SDK2: variants seen among roughly 807,000 people sequenced by gnomAD.
The protein encoded by SDK2 is sidekick cell adhesion molecule 2, also known as protein sidekick-2.
SDK2 carries 105 observed loss-of-function variants against 253.9 expected under a neutral mutation model. The observed-to-expected ratio is 0.41, with a 90% CI of 0.35 to 0.49. SDK2 has a LOEUF of 0.49. Ranked by LOEUF, SDK2 falls within the 20% of genes least tolerant of loss-of-function variation. The pLI is 0.06. For missense variants in SDK2, 2,608 were observed against 3,003.0 expected (o/e 0.87, Z 3.07); for synonymous variants, 1,249 against 1,234.9 (o/e 1.01, Z -0.24).
At chr17:73,521,417 T>C (rs575072150) in intron 1 of SDK2, 1 of 152,048 alleles carries the variant, frequency 6.6e-6, no homozygotes, top group Non-Finnish European at 1.5e-5. Flanking sequence ...GTGCCAGGTG[T>C]CGTGTGGCCT....
At chr17:73,530,189 A>G (rs1322905350) in intron 1 of SDK2, among the ~76,000 whole-genome samples, 2 of 152,196 alleles carry the variant, frequency 1.3e-5, no homozygotes, top group Non-Finnish European at 2.9e-5. Context: ...TCACACTGCT[A>G]TAAAGATACT....
At chr17:73,367,498 CTCTTG>C (rs1382582766) in intron 37 of SDK2, among the ~76,000 whole-genome samples, 3 of 150,894 alleles carry the variant, frequency 2.0e-5, no homozygotes, top group Non-Finnish European at 4.4e-5. Context: ...CATGGCTGGC[CTCTTG>C]TCTTTTTTTT....
Position 73,335,208 on chromosome 17 carries a change from AGT to A in SDK2, c.*3377_*3378del, listed in dbSNP as rs1437892769. On this transcript the variant is annotated 3_prime_UTR_variant, in exon 45 of 45. Transcript: ENST00000392650. ...GAGCATCTTTTTGGTTTGTCTTGGCAGTGTGGGTGTGGAGCTGACGTCAACTC... is the reference window on the plus strand; with the variant it reads ...GAGCATCTTTTTGGTTTGTCTTGGCAGTGGGTGTGGAGCTGACGTCAACTC... The A allele has an allele frequency of 6.6e-6, 1 of 152,666 alleles. No homozygotes were observed. The highest frequency in any genetic ancestry group is 1.5e-5 in the Non-Finnish European group (1 of 68,380). The allele number at this position is 152,666 out of a possible 1,614,324, so 9.5% of individuals were successfully genotyped here.
At chr17:73,604,017 C>T (rs756989612) in intron 1 of SDK2, among the ~76,000 whole-genome samples, 1 of 152,256 alleles carries the variant, frequency 6.6e-6, no homozygotes, top group African/African-American at 2.4e-5. Flanking sequence ...CAATGCCTGT[C>T]TCAGAACCCA....
rs971186547 is a variant in SDK2 at position 73,422,542 on chromosome 17, G to A, written c.1898-108C>T. The A allele has an allele frequency of 6.2e-6, 8 of 1,294,130 alleles. No homozygotes were observed. The East Asian group carries it at 1.4e-4, about 22-fold the overall frequency. 80.2% of individuals were successfully genotyped at this position (1,294,130 alleles called of 1,614,324 possible). The stretch of plus-strand genomic sequence containing the variant: ...CAGCTTCACTGGGGCTGGCAAGAGA[G>A]AGCCTCCCCAGCTTGGTGCAGGAGT... On this transcript the variant is annotated intron_variant, in intron 14 of 44. Transcript: ENST00000392650.
intron 12 of SDK2, among the ~76,000 whole-genome samples, chr17:73,429,103 A>T (rs1169566922): frequency 6.6e-6 from 1 of 152,042 alleles, no homozygotes; most frequent in African/African-American, 2.4e-5. Flanking sequence ...TTTTATAAGT[A>T]AGTCATCTTT....
intron 1 of SDK2, among the ~76,000 whole-genome samples, chr17:73,564,812 G>C (rs1013985646): frequency 6.7e-6 from 1 of 149,862 alleles, no homozygotes; most frequent in Non-Finnish European, 1.5e-5. Context: ...GGGACAGAGA[G>C]AGACTCTGTC....
intron 1 of SDK2, among the ~76,000 whole-genome samples, chr17:73,549,724 T>C (rs1190042148): frequency 1.3e-5 from 2 of 151,836 alleles, no homozygotes; most frequent in East Asian, 3.9e-4. Flanking sequence ...GCAGGTCCCA[T>C]CAGCCACAGT....
chr17:73,636,346 G>A (rs985245113), intron 1 of SDK2, among the ~76,000 whole-genome samples: 2 of 152,028 alleles, frequency 1.3e-5, no homozygotes, highest in African/African-American at 4.8e-5. Flanking sequence ...ACGTGAGCTC[G>A]GGATGGAAGG....
intron 4 of SDK2, among the ~76,000 whole-genome samples, chr17:73,454,373 C>T (rs185462600): frequency 1.2e-4 from 18 of 152,320 alleles, no homozygotes; most frequent in Admixed American, 9.2e-4. Flanking sequence ...AACCTGACTC[C>T]GGAGTTGGCA....
At chr17:73,594,722 T>A (rs1051289371) in intron 1 of SDK2, among the ~76,000 whole-genome samples, 18 of 151,500 alleles carry the variant, frequency 1.2e-4, no homozygotes, top group African/African-American at 4.4e-4. Context: ...CAAATACAAA[T>A]ACATGCAGCA....
chr17:73,584,806 AGG>A (rs1195055366), intron 1 of SDK2, among the ~76,000 whole-genome samples: 1 of 152,230 alleles, frequency 6.6e-6, no homozygotes, highest in Admixed American at 6.5e-5. Flanking sequence ...GTGTCCCTGC[AGG>A]GTTCCCCTGC....
chr17:73,431,037 C>T lies in SDK2; in HGVS notation c.1481-424G>A, dbSNP rs909004241. 5.9e-5 allele frequency among the ~76,000 whole-genome samples: 9 copies of T among 152,202 alleles called. No individual in the cohort carries two copies. The highest frequency in any genetic ancestry group is 2.0e-4 in the Admixed American group (3 of 15,278). The stretch of plus-strand genomic sequence containing the variant: ...CTAACTACAGGCTGGGGGCCAAATC[C>T]GGCAGGTGGCCTTTTTGGCTAAATA... On this transcript the variant is annotated intron_variant, in intron 11 of 44. Transcript: ENST00000392650. The surrounding 1 kb of genome is among the most constrained non-coding windows in gnomAD (Gnocchi z 5.6).
At chr17:73,527,657 C>A (rs2064136653) in intron 1 of SDK2, among the ~76,000 whole-genome samples, 1 of 152,178 alleles carries the variant, frequency 6.6e-6, no homozygotes, top group Admixed American at 6.5e-5. Context: ...GCCAGCCTGG[C>A]AGTTTTCTGC....
At chr17:73,512,576 C>A (rs1231786468) in intron 1 of SDK2, among the ~76,000 whole-genome samples, 4 of 150,244 alleles carry the variant, frequency 2.7e-5, no homozygotes, top group Admixed American at 1.3e-4. Flanking sequence ...CACACACATA[C>A]ACATACGAAG....
chr17:73,417,082 T>C (rs1235275603), intron 16 of SDK2, among the ~76,000 whole-genome samples: 2 of 152,074 alleles, frequency 1.3e-5, no homozygotes, highest in African/African-American at 4.8e-5. Context: ...AGGCTATTAG[T>C]ATTTAAGTTT....
chr17:73,606,182 G>A (rs2045904621), intron 1 of SDK2, among the ~76,000 whole-genome samples: 1 of 152,194 alleles, frequency 6.6e-6, no homozygotes, highest in Non-Finnish European at 1.5e-5. Flanking sequence ...ATCTTGACTA[G>A]CACAATGGAC....
intron 1 of SDK2, among the ~76,000 whole-genome samples, chr17:73,512,841 A>G (rs1249192778): frequency 1.3e-5 from 2 of 152,202 alleles, no homozygotes; most frequent in Non-Finnish European, 2.9e-5. Context: ...AGAATTTCAA[A>G]TCAGTGGGTA....
chr17:73,358,310 A>G, intron 39 of SDK2, 106 bp from the exon 40 acceptor site: 1 of 1,406,362 alleles, frequency 7.1e-7, no homozygotes, highest in Non-Finnish European at 9.5e-7. Flanking sequence ...CCAACCCTGG[A>G]CAGAGAGCCG....
Sources: gnomAD v4.1 joint callset for allele counts (sites outside exome capture counted in the v4.1 genomes callset) on GRCh38, gnomAD v4.1.1 for gene constraint, Gnocchi (gnomAD v3.1) non-coding constraint, MANE v1.5 for transcripts, NCBI Gene and HGNC (gene_info 2026-07-23, HGNC 2026-07-21) for gene names.